The following TNS1 variants were observed in gnomAD, a reference collection of about 807,000 sequenced individuals.
The protein encoded by TNS1 is tensin 1.
Under a neutral mutation model 168.6 loss-of-function variants are expected in TNS1, and 62 were observed. The observed-to-expected ratio is 0.37, with a 90% CI of 0.30 to 0.45. TNS1 has a LOEUF of 0.45. TNS1 is among the 20% of genes least tolerant of loss of function. The pLI, the probability that TNS1 is intolerant of heterozygous loss-of-function variation, is 1.00. For synonymous variants in TNS1, 934 were observed against 933.2 expected, an observed-to-expected ratio of 1.00 and a Z score of -0.02; for missense variants, 2,240 against 2,339.4, an observed-to-expected ratio of 0.96 and a Z score of 0.88.
upstream of TNS1, among the ~76,000 whole-genome samples, chr2:218,006,011 C>T (rs993867197): frequency 6.6e-6 from 1 of 152,180 alleles, no homozygotes; most frequent in African/African-American, 2.4e-5. Context: ...GGAGTACACA[C>T]TGGAGGACTG....
chr2:217,850,296 G>C lies in TNS1; in HGVS notation c.1430-1209C>G, dbSNP rs938632382. On this transcript the variant is annotated intron_variant, in intron 18 of 32. Coordinates refer to ENST00000682258, the MANE Select transcript of TNS1 (RefSeq NM_001387777.1). ...ACGCTTTTCCTATGCTGGAGGATGG[G>C]GGGCATATAGGGTGCTGATGCAGGG... The C allele has an allele frequency of 5.1e-5, 50 of 985,354 alleles. No individual in the cohort carries two copies. In the African/African-American group the frequency reaches 8.4e-4, roughly 17 times the overall value. 61.0% of individuals were successfully genotyped at this position (985,354 alleles called of 1,614,324 possible). A position where few individuals can be genotyped will look rare whatever the true frequency, so the allele number is the denominator to read the frequency against.
At chr2:217,906,578 T>G (rs551852800) in intron 5 of TNS1, among the ~76,000 whole-genome samples, 193 bp from the exon 6 acceptor site, 1 of 152,174 alleles carries the variant, frequency 6.6e-6, no homozygotes, top group Non-Finnish European at 1.5e-5. Context: ...CCTTTACAAC[T>G]CACAGCCACT....
intron 3 of TNS1, among the ~76,000 whole-genome samples, chr2:217,977,614 C>G (rs998296982): frequency 6.6e-6 from 1 of 152,226 alleles, no homozygotes; most frequent in Non-Finnish European, 1.5e-5. Context: ...GGGCTGGGCA[C>G]TTCACATACA....
At chr2:217,954,183 G>A (rs1002254798) in intron 3 of TNS1, among the ~76,000 whole-genome samples, 2 of 152,198 alleles carry the variant, frequency 1.3e-5, no homozygotes, top group African/African-American at 2.4e-5. Context: ...CATGTGGAAG[G>A]AGGCAGGAGC....
rs1183299717 is a variant in TNS1, at chr2:217,821,697, GC to G, written c.3572+42del. The G allele has an allele frequency of 2.1e-5, 30 of 1,405,512 alleles. No homozygotes were observed. In the South Asian group the frequency reaches 4.5e-4, roughly 21 times the overall value. The allele number at this position is 1,405,512 out of a possible 1,614,324, so 87.1% of individuals were successfully genotyped here. ...CTCACCCATCCCGTCCCAGTCCCAG[GC>G]CCGGATTCCCATCCCCCACCCACTG... On this transcript the variant is annotated intron_variant, in intron 23 of 32. Transcript: ENST00000682258.
chr2:217,921,051 G>A (rs543122134), intron 3 of TNS1, among the ~76,000 whole-genome samples: 6 of 151,922 alleles, frequency 3.9e-5, no homozygotes, highest in Non-Finnish European at 7.4e-5. Flanking sequence ...GTAGAGGGGA[G>A]GGAGGGAAGG....
chr2:217,900,486 G>C lies in TNS1; in HGVS notation c.348C>G (p.Val116=). 3 of 1,535,468 alleles carry C rather than the reference G, an allele frequency of 2.0e-6. No homozygotes were observed. Among genetic ancestry groups the C allele is most frequent in the Non-Finnish European group, 2.6e-6 (3 of 1,146,736 alleles). ...ACCTGATGGGCTGGAGGTGGGGCTG[G>C]ACACTCGGGGTGACCCTGGTGGAGC... ...DNGSTRVTPS[V]QPHLQPIRNM... The change falls in exon 7 of 33, where the codon GTC becomes GTG. Residue 116 remains valine (V), a synonymous_variant. Transcript: ENST00000682258.
intron 7 of TNS1, among the ~76,000 whole-genome samples, chr2:217,898,375 A>G (rs1252162991): frequency 3.3e-5 from 5 of 152,208 alleles, no homozygotes; most frequent in African/African-American, 9.6e-5. Flanking sequence ...GAAAGGCCCC[A>G]GACTGCTCTG....
intron 7 of TNS1, 97 bp from the exon 8 acceptor site, chr2:217,898,066 C>T (rs111342333): frequency 2.3e-5 from 31 of 1,361,810 alleles, no homozygotes; most frequent in Non-Finnish European, 3.0e-5. Flanking sequence ...GTGTGACCCC[C>T]ATATGCAGCC....
chr2:217,919,772 C>T (rs1007748022), intron 4 of TNS1, among the ~76,000 whole-genome samples: 10 of 152,288 alleles, frequency 6.6e-5, no homozygotes, highest in Admixed American at 4.6e-4. Flanking sequence ...GAACAGAGGT[C>T]GCCTGTAGGG....
Position 217,848,166 on chromosome 2 carries a change from T to C in TNS1, c.2351A>G (p.Gln784Arg). 2 of 1,242,552 alleles carry C rather than the reference T, an allele frequency of 1.6e-6. No individual in the cohort carries two copies. The highest frequency in any genetic ancestry group is 2.2e-6 in the Non-Finnish European group (2 of 928,532). 77.0% of individuals were successfully genotyped at this position (1,242,552 alleles called of 1,614,324 possible). A position where few individuals can be genotyped will look rare whatever the true frequency, so the allele number is the denominator to read the frequency against. The change falls in exon 19 of 33, where the codon CAG becomes CGG. Residue 784 changes from glutamine (Q) to arginine (R), a missense_variant. Gln to Arg is a conservative substitution (Grantham distance 43). Transcript: ENST00000682258. ...CTGCTGGCGTGGAGGTGGGCGAGGC[T>C]GCTGCTGCTGCTGCTGCTGCTGCTG... Reference protein sequence around the residue: ...SWQQQQQQQQQPRPPPRQQER... With the variant: ...SWQQQQQQQQRPRPPPRQQER...
intron 1 of TNS1, among the ~76,000 whole-genome samples, chr2:217,996,475 C>T (rs1559406573): frequency 6.6e-6 from 1 of 152,088 alleles, no homozygotes; most frequent in Non-Finnish European, 1.5e-5. Context: ...TTCCTCCAAC[C>T]CCACTTCACC....
rs1032097036 is a variant in TNS1 at position 217,813,555 on chromosome 2, G to A, written c.4861+130C>T. On this transcript the variant is annotated intron_variant, in intron 26 of 32. Coordinates refer to ENST00000682258, the MANE Select transcript of TNS1 (RefSeq NM_001387777.1). The surrounding 1 kb of genome is among the most constrained non-coding windows in gnomAD (Gnocchi z 4.0). ...TGACCTCAACCATCACCAAGCCCAAGACACCCTCTTCCGAAGAGCCTGATG... is the reference window on the plus strand; with the variant it reads ...TGACCTCAACCATCACCAAGCCCAAAACACCCTCTTCCGAAGAGCCTGATG... 7.3e-7 allele frequency: 1 copy of A among 1,370,830 alleles called. No individual in the cohort carries two copies. The highest frequency in any genetic ancestry group is 9.9e-7 in the Non-Finnish European group (1 of 1,009,216). The allele number at this position is 1,370,830 out of a possible 1,614,324, so 84.9% of individuals were successfully genotyped here. A position where few individuals can be genotyped will look rare whatever the true frequency, so the allele number is the denominator to read the frequency against.
chr2:217,894,133 C>T (rs549494575), intron 9 of TNS1, among the ~76,000 whole-genome samples: 23 of 152,278 alleles, frequency 1.5e-4, no homozygotes, highest in South Asian at 6.2e-4. Context: ...CAGCAGGCTT[C>T]GGGCCTCTCA....
intron 19 of TNS1, among the ~76,000 whole-genome samples, chr2:217,839,663 A>C (rs1405076774): frequency 6.6e-6 from 1 of 151,782 alleles, no homozygotes; most frequent in Non-Finnish European, 1.5e-5. Context: ...GCTGCCCACC[A>C]CCCCTGGATC....
chr2:217,845,512 A>G (rs1245440862), intron 19 of TNS1, among the ~76,000 whole-genome samples: 1 of 152,228 alleles, frequency 6.6e-6, no homozygotes, highest in Non-Finnish European at 1.5e-5. Context: ...CCAAAGAGGC[A>G]ACTTCATAGA....
intron 7 of TNS1, among the ~76,000 whole-genome samples, chr2:217,899,994 A>G (rs1283423839): frequency 6.6e-6 from 1 of 152,002 alleles, no homozygotes; most frequent in East Asian, 1.9e-4. Context: ...GGCCCCTGCC[A>G]GCCCAGCCAG....
intron 19 of TNS1, among the ~76,000 whole-genome samples, chr2:217,838,162 G>A (rs1945426767): frequency 1.3e-5 from 2 of 152,242 alleles, no homozygotes; most frequent in Admixed American, 6.5e-5. Flanking sequence ...GCCCCCAGCA[G>A]CTCTTTCTGG....
intron 3 of TNS1, chr2:217,937,129 C>T (rs964699135): frequency 2.8e-5 from 12 of 425,964 alleles, no homozygotes; most frequent in African/African-American, 1.8e-4. Context: ...CTCACATGAG[C>T]TGCCTCCTGC....
Sources: allele counts gnomAD v4.1 joint callset (sites outside exome capture counted in the v4.1 genomes callset), GRCh38; gene constraint gnomAD v4.1.1; non-coding constraint Gnocchi (gnomAD v3.1); transcripts MANE v1.5; gene names NCBI Gene and HGNC (gene_info 2026-07-23, HGNC 2026-07-21).